Variants in LY9 observed in about 807,000 individuals in gnomAD.
The protein encoded by LY9 is lymphocyte antigen 9.
LY9 carries 59 observed loss-of-function variants against 64.6 expected under a neutral mutation model. The ratio of observed to expected loss-of-function variants is 0.91; its 90% CI spans 0.74 to 1.13. The LOEUF is 1.13. Among genes scored for constraint, LY9 ranks in the 50% most tolerant of loss-of-function variants. LY9 has a pLI of 0.00. For synonymous variants in LY9, 281 were observed against 308.5 expected (o/e 0.91, Z 0.93); for missense variants, 789 against 797.2 (o/e 0.99, Z 0.12).
intron 2 of LY9, among the ~76,000 whole-genome samples, chr1:160,804,528 A>G (rs558945218): frequency 1.3e-5 from 2 of 151,958 alleles, no homozygotes; most frequent in African/African-American, 4.8e-5. Flanking sequence ...GTTCATCAGG[A>G]ATATTGGCCT....
At chr1:160,796,405 G>GT (rs199885910) in intron 1 of LY9, 94 bp downstream of exon 1, 36,879 of 1,433,404 alleles carry the variant, frequency 0.026, 577 homozygotes, top group Non-Finnish European at 0.03. Context: ...TTTGTTTTTT[G>GT]TTTTTTTTAA....
At chr1:160,801,815 C>T (rs1403787831) in intron 2 of LY9, 2 of 1,614,078 alleles carry the variant, frequency 1.2e-6, no homozygotes, top group South Asian at 2.2e-5. Context: ...AGTTGTCCGT[C>T]CACGTCATCG....
intron 7 of LY9, among the ~76,000 whole-genome samples, chr1:160,820,653 A>C (rs1430119326): frequency 2.6e-5 from 4 of 151,820 alleles, no homozygotes; most frequent in Non-Finnish European, 5.9e-5. Context: ...CCCTGCCTGA[A>C]CCCTCCTTCC....
At chr1:160,796,422 C>A in intron 1 of LY9, 111 bp downstream of exon 1, 1 of 1,319,046 alleles carries the variant, frequency 7.6e-7, no homozygotes, top group South Asian at 1.4e-5. Flanking sequence ...TTAACGGAGT[C>A]TCACTCTGTT....
In LY9 at chr1:160,799,896, G is replaced by A. The variant is rs145965154; in HGVS notation, c.268G>A (p.Ala90Thr). The A allele has an allele frequency of 1.1e-5, 17 of 1,614,120 alleles. No individual in the cohort carries two copies. Among genetic ancestry groups the A allele is most frequent in the Middle Eastern group, 1.6e-4 (1 of 6,062 alleles). The part of the protein sequence containing the change: ...WIGPKNALAF[A>T]RPKENVTIMV... Reference sequence around the variant, plus strand: ...TGGTCCCAAAAATGCTCTTGCTTTCGCACGTCCCAAAGAAAATGTAACCAT... The same window carrying A: ...TGGTCCCAAAAATGCTCTTGCTTTCACACGTCCCAAAGAAAATGTAACCAT... The change falls in exon 2 of 10, where the codon GCA (alanine) becomes ACA (threonine). Residue 90 changes from alanine to threonine, a missense_variant. Coordinates refer to ENST00000263285, the MANE Select transcript of LY9 (RefSeq NM_002348.4).
intron 6 of LY9, 24 bp downstream of exon 6, chr1:160,818,343 T>C: frequency 6.4e-7 from 1 of 1,562,300 alleles, no homozygotes; most frequent in Non-Finnish European, 8.8e-7. Flanking sequence ...ATCAATGTTG[T>C]CCGCCAGTGC....
intron 7 of LY9, 88 bp from the exon 8 acceptor site, chr1:160,823,377 G>A (rs925487216): frequency 4.3e-6 from 4 of 932,872 alleles, no homozygotes; most frequent in African/African-American, 1.7e-5. Context: ...ATCTAATGCA[G>A]GCATCAGAGC....
Position 160,819,378 on chromosome 1 carries a change from A to G in LY9, c.1498+4A>G. 1 of 1,612,574 alleles carries G rather than the reference A, an allele frequency of 6.2e-7. No homozygotes were observed. Among genetic ancestry groups the G allele is most frequent in the Non-Finnish European group, 8.5e-7 (1 of 1,178,718 alleles). ...GAGGCCCCAGCGGATACACCAGGTA[A>G]CATCACCCATGACACAGGCTATGGG... is the stretch of plus-strand genomic sequence containing the variant. On this transcript the variant is annotated splice_donor_region_variant and intron_variant, in intron 7 of 9. Coordinates refer to ENST00000263285, the MANE Select transcript of LY9 (RefSeq NM_002348.4).
intron 7 of LY9, among the ~76,000 whole-genome samples, chr1:160,821,324 A>C (rs1486269441): frequency 6.6e-6 from 1 of 152,126 alleles, no homozygotes; most frequent in East Asian, 1.9e-4. Context: ...TTTCATACAT[A>C]TTTGTGTGGG....
chr1:160,824,736 T>C lies in LY9; in HGVS notation c.1899+487T>C, dbSNP rs952354157. On this transcript the variant is annotated intron_variant, in intron 9 of 9. Coordinates refer to ENST00000263285, the MANE Select transcript of LY9 (RefSeq NM_002348.4). ...GGCTCATACCTGTAATCCCAGCACTTTGGGAGGCCAAGGCGGGTGGATCAC... is the reference window on the plus strand; with the variant it reads ...GGCTCATACCTGTAATCCCAGCACTCTGGGAGGCCAAGGCGGGTGGATCAC... The C allele has an allele frequency of 6.1e-5, 48 of 785,692 alleles. No individual in the cohort carries two copies. The African/African-American group carries it at 8.4e-4, about 14-fold the overall frequency. 48.7% of individuals were successfully genotyped at this position (785,692 alleles called of 1,614,324 possible).
At chr1:160,821,834 G>T (rs746986920) in intron 7 of LY9, among the ~76,000 whole-genome samples, 8 of 152,192 alleles carry the variant, frequency 5.3e-5, no homozygotes, top group Non-Finnish European at 1.2e-4. Flanking sequence ...GGAGGGGGCA[G>T]GATTGAGCAG....
chr1:160,802,504 C>T, intron 2 of LY9: 1 of 985,618 alleles, frequency 1.0e-6, no homozygotes, highest in Non-Finnish European at 1.2e-6. Context: ...CCCTGCGGGC[C>T]GCGCCAGGCA....
chr1:160,804,125 T>C (rs543514378), intron 2 of LY9, among the ~76,000 whole-genome samples: 2 of 152,352 alleles, frequency 1.3e-5, no homozygotes, highest in East Asian at 1.9e-4. Context: ...TTCAGTACTA[T>C]GTTGAATAAA....
rs1667795495 is a variant in LY9, at chr1:160,814,630, G to A, written c.941G>A (p.Trp314Ter). 6.2e-7 allele frequency: 1 copy of A among 1,614,026 alleles called. No individual in the cohort carries two copies. Among genetic ancestry groups the A allele is most frequent in the African/African-American group, 1.3e-5 (1 of 74,968 alleles). ...KSRDPYKNRV[W>*]VSSQDCSLKI... is the part of the protein sequence containing the mutation. The stretch of plus-strand genomic sequence containing the variant: ...AGGGATCCTTACAAGAACAGGGTGT[G>A]GGTCTCCAGCCAGGACTGCTCCCTG... Residue 314 changes from tryptophan (W) to a stop codon, truncating the protein, a stop_gained, in exon 4 of 10, where the codon TGG (tryptophan) becomes TAG (stop). Coordinates refer to ENST00000263285, the MANE Select transcript of LY9 (RefSeq NM_002348.4). LOFTEE classifies it high-confidence loss of function.
At chr1:160,817,508 T>C (rs1668050976) in intron 5 of LY9, among the ~76,000 whole-genome samples, 2 of 152,150 alleles carry the variant, frequency 1.3e-5, no homozygotes, top group African/African-American at 2.4e-5. Flanking sequence ...GAAGCTGATA[T>C]GGAAAGGGAT....
intron 2 of LY9, chr1:160,812,247 T>A (rs1421291914): frequency 1.3e-5 from 2 of 152,192 alleles, no homozygotes; most frequent in African/African-American, 2.4e-5. Flanking sequence ...CATCTTCTTA[T>A]AAGGATACCA....
chr1:160,797,138 T>A (rs565724851), intron 1 of LY9: 1 of 985,566 alleles, frequency 1.0e-6, no homozygotes, highest in East Asian at 1.1e-4. Context: ...ATCTCTCCGC[T>A]GCATGGCCCG....
Position 160,799,977 on chromosome 1 carries a change from T to A in LY9, c.349T>A (p.Cys117Ser). The change falls in exon 2 of 10, where the codon TGC (cysteine) becomes AGC (serine). Residue 117 changes from cysteine (C) to serine (S), a missense_variant. Cys to Ser is a moderately radical substitution (Grantham distance 112, BLOSUM62 -1). Coordinates refer to ENST00000263285, the MANE Select transcript of LY9 (RefSeq NM_002348.4). ...CATCACCAAGTGGAGTTACTCCCTG[T>A]GCATCAGCAATCTGACTCTGAATGA... The part of the protein sequence containing the change: ...LDITKWSYSL[C>S]ISNLTLNDAG... The A allele has an allele frequency of 6.2e-7, 1 of 1,614,190 alleles. No individual in the cohort carries two copies. Among genetic ancestry groups the A allele is most frequent in the South Asian group, 1.1e-5 (1 of 91,082 alleles).
At chr1:160,815,554 T>G (rs1223290744) in intron 4 of LY9, among the ~76,000 whole-genome samples, 1 of 152,096 alleles carries the variant, frequency 6.6e-6, no homozygotes, top group Non-Finnish European at 1.5e-5. Context: ...AACCAGCTAA[T>G]TTTTGTACTT....
Sources: allele counts gnomAD v4.1 joint callset (sites outside exome capture counted in the v4.1 genomes callset), GRCh38; gene constraint gnomAD v4.1.1; transcripts MANE v1.5; gene names NCBI Gene and HGNC (gene_info 2026-07-23, HGNC 2026-07-21).